The following HHAT variants were observed in gnomAD, a reference collection of about 807,000 sequenced individuals.
HHAT encodes protein-cysteine N-palmitoyltransferase HHAT.
HHAT carries 47 observed loss-of-function variants against 70.8 expected under a neutral mutation model. The ratio of observed to expected loss-of-function variants is 0.66; its 90% CI spans 0.53 to 0.85. The LOEUF (loss-of-function observed/expected upper bound fraction) is 0.85. HHAT is among the 40% of genes least tolerant of loss of function. The pLI is 0.00. For missense variants in HHAT, 609 were observed against 604.8 expected (o/e 1.01, Z -0.07); for synonymous variants, 228 against 247.6 (o/e 0.92, Z 0.74).
intron 8 of HHAT, among the ~76,000 whole-genome samples, chr1:210,473,024 C>A (rs1220602533): frequency 6.6e-6 from 1 of 152,126 alleles, no homozygotes; most frequent in Non-Finnish European, 1.5e-5. Context: ...CCTCTTCAGA[C>A]CTTTAAAAGG....
At chr1:210,580,025 G>T (rs1658866532) in intron 9 of HHAT, among the ~76,000 whole-genome samples, 1 of 152,200 alleles carries the variant, frequency 6.6e-6, no homozygotes, top group South Asian at 2.1e-4. Context: ...AAGTTGAAGT[G>T]TAGGCTAAAT....
chr1:210,342,771 T>A (rs1300391658), intron 1 of HHAT, among the ~76,000 whole-genome samples: 6 of 152,116 alleles, frequency 3.9e-5, no homozygotes, highest in Non-Finnish European at 8.8e-5. Context: ...ACTTGGTAAT[T>A]TTGTGAGAGA....
chr1:210,587,840 C>T, intron 9 of HHAT, 58 bp from the exon 10 acceptor site: 1 of 1,259,142 alleles, frequency 7.9e-7, no homozygotes, highest in Non-Finnish European at 1.1e-6. Flanking sequence ...AGCTGGGGAG[C>T]AGATAGAGTT....
intron 11 of HHAT, among the ~76,000 whole-genome samples, chr1:210,645,734 C>A (rs1314593281): frequency 6.6e-6 from 1 of 152,142 alleles, no homozygotes; most frequent in African/African-American, 2.4e-5. Flanking sequence ...GGGACTCGAT[C>A]ATGCTTGAAA....
At chr1:210,527,751 A>C (rs150070408) in intron 9 of HHAT, among the ~76,000 whole-genome samples, 38 of 152,306 alleles carry the variant, frequency 2.5e-4, no homozygotes, top group African/African-American at 9.1e-4. Flanking sequence ...GGCCCTAATG[A>C]GTGGAGTTGC....
At chr1:210,470,380 A>G (rs1268339155) in intron 8 of HHAT, among the ~76,000 whole-genome samples, 1 of 151,958 alleles carries the variant, frequency 6.6e-6, no homozygotes, top group Non-Finnish European at 1.5e-5. Flanking sequence ...CATTTATATT[A>G]CCTCACATTT....
At chr1:210,574,231 A>G (rs978614688) in intron 9 of HHAT, among the ~76,000 whole-genome samples, 1 of 152,222 alleles carries the variant, frequency 6.6e-6, no homozygotes, top group Non-Finnish European at 1.5e-5. Flanking sequence ...CTGGAAGTGA[A>G]TGTTAAACCC....
At chr1:210,600,123 G>T (rs1256869331) in intron 10 of HHAT, among the ~76,000 whole-genome samples, 1 of 151,942 alleles carries the variant, frequency 6.6e-6, no homozygotes, top group African/African-American at 2.4e-5. Flanking sequence ...TTTATTTTGG[G>T]TACCTTGTAT....
At chr1:210,449,547 A>G (rs536686652) in intron 7 of HHAT, among the ~76,000 whole-genome samples, 2 of 152,190 alleles carry the variant, frequency 1.3e-5, no homozygotes, top group South Asian at 2.1e-4. Context: ...AATTCCTCCA[A>G]AACATCTCAC....
rs1023984729 is a variant in HHAT at position 210,454,790 on chromosome 1, G to A, written c.857-9715G>A. 2.6e-5 allele frequency among the ~76,000 whole-genome samples: 4 copies of A among 152,180 alleles called. No homozygotes were observed. The South Asian group carries it at 6.2e-4, about 24-fold the overall frequency. ...CTTTCCTTTAAAGAGGGACATTTTGGTGGTTTGAGCCCGTTAAGAAGCAAT... is the reference window on the plus strand; with the variant it reads ...CTTTCCTTTAAAGAGGGACATTTTGATGGTTTGAGCCCGTTAAGAAGCAAT... On this transcript the variant is annotated intron_variant, in intron 7 of 11. Transcript: ENST00000261458.
chr1:210,476,954 G>A (rs530017382), intron 8 of HHAT, among the ~76,000 whole-genome samples: 37 of 152,160 alleles, frequency 2.4e-4, no homozygotes, highest in Non-Finnish European at 4.9e-4. Flanking sequence ...GACATGCCAC[G>A]GCTCCATAGA....
chr1:210,607,747 G>C (rs76529916), intron 10 of HHAT, among the ~76,000 whole-genome samples: 135 of 149,112 alleles, frequency 9.1e-4, no homozygotes, highest in African/African-American at 3.3e-3. Context: ...TTTTTTCCCC[G>C]TTACTTCTTT....
At chr1:210,459,254 T>G (rs1213046585) in intron 7 of HHAT, among the ~76,000 whole-genome samples, 1 of 152,194 alleles carries the variant, frequency 6.6e-6, no homozygotes, top group East Asian at 1.9e-4. Flanking sequence ...AGGTCTGAAC[T>G]TCAGTAGAGA....
chr1:210,478,261 T>G (rs1403427897), intron 8 of HHAT, among the ~76,000 whole-genome samples: 1 of 152,192 alleles, frequency 6.6e-6, no homozygotes, highest in Non-Finnish European at 1.5e-5. Flanking sequence ...GATAGCAGAT[T>G]TAATTTTCCG....
rs1054735157 is a variant in HHAT at position 210,675,134 on chromosome 1, A to T, written c.*755A>T. On this transcript the variant is annotated 3_prime_UTR_variant, in exon 12 of 12. Coordinates refer to ENST00000261458, the MANE Select transcript of HHAT (RefSeq NM_018194.6). ...AAGCAGAATTTAGAAACCACAGGAT[A>T]GTGTACCCACAGATGGGTGTTATCA... is the stretch of plus-strand genomic sequence containing the variant. 5.3e-5 allele frequency: 8 copies of T among 152,314 alleles called. No individual in the cohort carries two copies. The highest frequency in any genetic ancestry group is 1.9e-4 in the African/African-American group (8 of 41,564). The allele number at this position is 152,314 out of a possible 1,614,324, so 9.4% of individuals were successfully genotyped here. A position where few individuals can be genotyped will look rare whatever the true frequency, so the allele number is the denominator to read the frequency against.
intron 9 of HHAT, among the ~76,000 whole-genome samples, chr1:210,517,073 A>G (rs2095069313): frequency 6.6e-6 from 1 of 152,204 alleles, no homozygotes; most frequent in Non-Finnish European, 1.5e-5. Flanking sequence ...TCACCTAGGG[A>G]TGGCCTCAGA....
At chr1:210,394,716 C>G (rs2091682656) in intron 4 of HHAT, among the ~76,000 whole-genome samples, 1 of 152,104 alleles carries the variant, frequency 6.6e-6, no homozygotes, top group Non-Finnish European at 1.5e-5. Flanking sequence ...GAAGCCTGAC[C>G]CATGGTGCTG....
At chr1:210,424,594 C>G (rs972972426) in intron 7 of HHAT, among the ~76,000 whole-genome samples, 5 of 151,780 alleles carry the variant, frequency 3.3e-5, no homozygotes, top group African/African-American at 1.2e-4. Context: ...TCCCTCCTCC[C>G]ACCCTCCACC....
At chr1:210,618,588 G>C (rs948215875) in intron 10 of HHAT, among the ~76,000 whole-genome samples, 1 of 152,150 alleles carries the variant, frequency 6.6e-6, no homozygotes, top group Admixed American at 6.5e-5. Flanking sequence ...TGCTCCTCCA[G>C]ATGCTCAGCC....
Sources: allele counts gnomAD v4.1 joint callset (sites outside exome capture counted in the v4.1 genomes callset), GRCh38; gene constraint gnomAD v4.1.1; transcripts MANE v1.5; gene names NCBI Gene and HGNC (gene_info 2026-07-23, HGNC 2026-07-21).